The following ESPN variants were observed in gnomAD, a reference collection of about 807,000 sequenced individuals.
ESPN encodes the protein autosomal recessive deafness type 36 protein.
A neutral mutation model predicts 77.7 loss-of-function variants in ESPN; 68 were observed. That is an observed-to-expected ratio of 0.87 (90% CI 0.72 to 1.07). The LOEUF (loss-of-function observed/expected upper bound fraction) is 1.07. Among genes scored for constraint, ESPN ranks in the 50% least tolerant of loss-of-function variants. ESPN has a pLI of 0.00. For synonymous variants in ESPN, 449 were observed against 567.1 expected, an observed-to-expected ratio of 0.79 and a Z score of 2.96; for missense variants, 1,060 against 1,239.0, an observed-to-expected ratio of 0.86 and a Z score of 2.17.
Position 6,445,857 on chromosome 1 carries a change from A to G in ESPN, c.1386A>G (p.Val462=), listed in dbSNP as rs150033799. Reference sequence around the variant, plus strand: ...GCTACCCAGCTCCCAAGCCTCCTGTAGGACCACAGGCAGCTGACATCTACA... The same window carrying G: ...GCTACCCAGCTCCCAAGCCTCCTGTGGGACCACAGGCAGCTGACATCTACA... ...PPGYPAPKPP[V]GPQAADIYMQ... Residue 462 remains valine, a synonymous_variant, in exon 7 of 13, where the codon GTA becomes GTG. Transcript: ENST00000645284. 1.7e-3 allele frequency: 2,683 copies of G among 1,606,278 alleles called. 8 individuals are homozygous for G. The highest frequency in any genetic ancestry group is 7.9e-3 in the African/African-American group (579 of 73,024).
intron 8 of ESPN, among the ~76,000 whole-genome samples, chr1:6,449,855 G>A (rs956746225): frequency 6.6e-6 from 1 of 152,314 alleles, no homozygotes; most frequent in East Asian, 1.9e-4. Flanking sequence ...TAGATGTGGT[G>A]CTCCCATCCC....
intron 10 of ESPN, chr1:6,456,008 GCCGCCGCCGCCGCCC>G: frequency 2.5e-6 from 1 of 395,500 alleles, no homozygotes; most frequent in Non-Finnish European, 4.5e-6. Context: ...CTGCGCCGCA[GCCGCCGCCGCCGCCC>G]CCGCCCGCCG....
At chr1:6,461,356 T>C (rs1370621572), downstream of ESPN, 31 of 1,455,334 alleles carry the variant, frequency 2.1e-5, no homozygotes, top group Non-Finnish European at 2.7e-5. This position sits in a 1 kb window ranked among gnomAD's most constrained non-coding sequence, Gnocchi z 6.3. Flanking sequence ...TGACATAAAA[T>C]GTCTACACGC....
chr1:6,441,676 C>T (rs964403750), intron 5 of ESPN, among the ~76,000 whole-genome samples: 3 of 152,264 alleles, frequency 2.0e-5, no homozygotes, highest in African/African-American at 7.2e-5. Context: ...CAGGGCTCTG[C>T]ACCATCTGGT....
At chr1:6,445,594 G>C in intron 6 of ESPN, 70 bp from the exon 7 acceptor site, 1 of 1,544,744 alleles carries the variant, frequency 6.5e-7, no homozygotes. Flanking sequence ...CCAGGTGGTG[G>C]AGAGTCTCAG....
intron 3 of ESPN, 88 bp from the exon 4 acceptor site, chr1:6,440,538 C>CGG (rs1643588610): frequency 7.6e-5 from 16 of 209,896 alleles, no homozygotes; most frequent in East Asian, 3.0e-4. Flanking sequence ...GGCGGGGGGG[C>CGG]GGGGGCGGGC....
chr1:6,441,476 T>TAA (rs1643635026), intron 5 of ESPN, among the ~76,000 whole-genome samples: 2 of 152,246 alleles, frequency 1.3e-5, no homozygotes, highest in South Asian at 4.2e-4. Context: ...CAGTAACTGT[T>TAA]AGAGTGGAGA....
In ESPN at chr1:6,450,710, C is replaced by T. The variant is rs1484747337; in HGVS notation, c.1916-893C>T. On this transcript the variant is annotated intron_variant, in intron 8 of 12. Coordinates refer to ENST00000645284, the MANE Select transcript of ESPN (RefSeq NM_031475.3). This position sits in a 1 kb window ranked among gnomAD's most constrained non-coding sequence, Gnocchi z 4.3. The stretch of plus-strand genomic sequence containing the variant: ...TTTGCCTAAATAAATGAGCCAGCCA[C>T]ACCGATTTTCCCTTTCTCCTACTCT... Among the ~76,000 whole-genome samples the T allele has an allele frequency of 1.3e-5, 2 of 152,146 alleles. No homozygotes were observed. The highest frequency in any genetic ancestry group is 2.9e-5 in the Non-Finnish European group (2 of 68,028).
chr1:6,448,785 A>T lies in ESPN; in HGVS notation c.1609A>T (p.Met537Leu). The T allele has an allele frequency of 1.4e-6, 2 of 1,426,300 alleles. No homozygotes were observed. Among genetic ancestry groups the T allele is most frequent in the South Asian group, 2.9e-5 (2 of 69,604 alleles). 88.4% of individuals were successfully genotyped at this position (1,426,300 alleles called of 1,614,324 possible). ...PGETLAARPG[M>L]AHSEEVRARQ... ...CGAGACGCTGGCCGCACGCCCGGGCATGGCGCACAGCGAGGAGGTGCGTGC... is the reference window on the plus strand; with the variant it reads ...CGAGACGCTGGCCGCACGCCCGGGCTTGGCGCACAGCGAGGAGGTGCGTGC... The change falls in exon 8 of 13, where the codon ATG (methionine) becomes TTG (leucine). Residue 537 changes from methionine to leucine, a missense_variant. Physicochemically the swap from Met to Leu is conservative, Grantham distance 15. This residue lies in a region of ESPN where 130 missense variants were observed against 223.9 expected (regional missense o/e 0.58). Coordinates refer to ENST00000645284, the MANE Select transcript of ESPN (RefSeq NM_031475.3).
In ESPN at chr1:6,460,404, G is replaced by A; in HGVS notation, c.*258G>A. 5.7e-6 allele frequency: 3 copies of A among 522,336 alleles called. No homozygotes were observed. Among genetic ancestry groups the A allele is most frequent in the Non-Finnish European group, 1.0e-5 (3 of 291,018 alleles). 32.4% of individuals were successfully genotyped at this position (522,336 alleles called of 1,614,324 possible). On this transcript the variant is annotated 3_prime_UTR_variant, in exon 13 of 13. Coordinates refer to ENST00000645284, the MANE Select transcript of ESPN (RefSeq NM_031475.3). ...AACAAATGCTGCTTATTTGCATGCC[G>A]ACTTACATATATTTGCATGTTCGTT...
In ESPN at chr1:6,457,221, C is replaced by T. The variant is rs553656542; in HGVS notation, c.2363C>T (p.Ala788Val). The T allele has an allele frequency of 3.7e-6, 6 of 1,612,818 alleles. No individual in the cohort carries two copies. The African/African-American group carries it at 8.0e-5, about 21-fold the overall frequency. ...GAGGCCCGGCTGGCCAGCATGCCCG[C>T]CTGGAGGCGGGACCTCCTGCGGAAG... Reference protein sequence around the residue: ...EEEARLASMPAWRRDLLRKKL... With the variant: ...EEEARLASMPVWRRDLLRKKL... Residue 788 changes from alanine (A) to valine (V), a missense_variant, in exon 11 of 13, where the codon GCC becomes GTC. Physicochemically the swap from Ala to Val is moderately conservative, Grantham distance 64. This residue lies in a region of ESPN where 374 missense variants were observed against 381.4 expected (regional missense o/e 0.98). Transcript: ENST00000645284.
rs1300467573 is a variant in ESPN, at chr1:6,428,161, A to G, written c.295-65A>G. The G allele has an allele frequency of 5.2e-6, 8 of 1,546,464 alleles. No homozygotes were observed. Among genetic ancestry groups the G allele is most frequent in the Non-Finnish European group, 7.1e-6 (8 of 1,120,048 alleles). ...CCTTCCAGGCCTGTGGGAGTCTGGG[A>G]GTGGCCCAAGCCAGGGGCGGGGCAG... On this transcript the variant is annotated intron_variant, in intron 1 of 12. Transcript: ENST00000645284. This position sits in a 1 kb window ranked among gnomAD's most constrained non-coding sequence, Gnocchi z 5.4.
chr1:6,434,908 C>T (rs1184184071), intron 2 of ESPN, among the ~76,000 whole-genome samples: 2 of 152,114 alleles, frequency 1.3e-5, no homozygotes, highest in African/African-American at 4.8e-5. Flanking sequence ...GGCCTCGCAG[C>T]CCTGCCTTGA....
Position 6,452,066 on chromosome 1 carries a change from G to T in ESPN, c.2295G>T (p.Lys765Asn). ...RQVMVRKMQL[K>N]MQEEEEQRRK... ...TGATGGTGCGCAAGATGCAGCTGAA[G>T]ATGCAGGAGGAGGAGGAGCAGAGGC... The change falls in exon 10 of 13, where the codon AAG becomes AAT. Residue 765 changes from lysine to asparagine, a missense_variant. Lys to Asn is a moderately conservative substitution (Grantham distance 94). Around this residue, in one of 3 missense-constraint regions of ESPN, gnomAD observed 374 missense variants for 381.4 expected, o/e 0.98. Coordinates refer to ENST00000645284, the MANE Select transcript of ESPN (RefSeq NM_031475.3). 1 of 1,560,970 alleles carries T rather than the reference G, an allele frequency of 6.4e-7. No homozygotes were observed.
rs942288405 is a variant in ESPN at position 6,425,317 on chromosome 1, C to T, written c.294+68C>T. Reference sequence around the variant, plus strand: ...CAGGACAGAGTCCTGGCCCAGAGTCCCCCGGGGCTCAAGGATGGGTGGGGT... The same window carrying T: ...CAGGACAGAGTCCTGGCCCAGAGTCTCCCGGGGCTCAAGGATGGGTGGGGT... On this transcript the variant is annotated intron_variant, in intron 1 of 12. Transcript: ENST00000645284. The T allele has an allele frequency of 3.9e-6, 6 of 1,519,944 alleles. No homozygotes were observed. The South Asian group carries it at 6.0e-5, about 15-fold the overall frequency. The allele number at this position is 1,519,944 out of a possible 1,614,324, so 94.2% of individuals were successfully genotyped here. A position where few individuals can be genotyped will look rare whatever the true frequency, so the allele number is the denominator to read the frequency against.
At chr1:6,432,270 G>C (rs1180329758) in intron 2 of ESPN, among the ~76,000 whole-genome samples, 1 of 152,204 alleles carries the variant, frequency 6.6e-6, no homozygotes, top group Admixed American at 6.5e-5. Flanking sequence ...GCCTGGGGTG[G>C]TCCCTTTCCC....
At position 6,460,002 on chromosome 1, in the gene ESPN, A is replaced by G; in HGVS notation, c.2421A>G (p.Lys807=). The change falls in exon 13 of 13, where the codon AAA becomes AAG. Residue 807 remains lysine (K), a synonymous_variant. Coordinates refer to ENST00000645284, the MANE Select transcript of ESPN (RefSeq NM_031475.3). ...KLEEEREQKR[K]EEERQKQEEL... ...GCCCCCCTCCCCACTGCCTCAGGAAAGAGGAGGAGCGACAGAAGCAGGAGG... is the reference window on the plus strand; with the variant it reads ...GCCCCCCTCCCCACTGCCTCAGGAAGGAGGAGGAGCGACAGAAGCAGGAGG... The G allele has an allele frequency of 3.1e-6, 5 of 1,613,556 alleles. No individual in the cohort carries two copies. Among genetic ancestry groups the G allele is most frequent in the Non-Finnish European group, 4.2e-6 (5 of 1,180,002 alleles).
At chr1:6,435,749 T>G (rs544308204) in intron 2 of ESPN, among the ~76,000 whole-genome samples, 1 of 152,314 alleles carries the variant, frequency 6.6e-6, no homozygotes, top group Non-Finnish European at 1.5e-5. Context: ...TGGCAGGACC[T>G]GGACACTCCA....
At position 6,428,597 on chromosome 1, in the gene ESPN, T is replaced by C. The variant is rs1643126844; in HGVS notation, c.488+178T>C. Among the ~76,000 whole-genome samples the C allele has an allele frequency of 6.6e-6, 1 of 152,090 alleles. No individual in the cohort carries two copies. Among genetic ancestry groups the C allele is most frequent in the African/African-American group, 2.4e-5 (1 of 41,428 alleles). On this transcript the variant is annotated intron_variant, in intron 2 of 12. Transcript: ENST00000645284. This position sits in a 1 kb window ranked among gnomAD's most constrained non-coding sequence, Gnocchi z 5.4. ...CACTCAACATGAAATTTTCCCCTCC[T>C]GGAAAACCCCTTCTGGGGCTGCCCC...
Sources: gnomAD v4.1 joint callset for allele counts (sites outside exome capture counted in the v4.1 genomes callset) on GRCh38, gnomAD v4.1.1 for gene constraint, gnomAD v4.1.1 regional missense constraint, Gnocchi (gnomAD v3.1) non-coding constraint, MANE v1.5 for transcripts, NCBI Gene and HGNC (gene_info 2026-07-23, HGNC 2026-07-21) for gene names.